The following PTPRT variants were observed in gnomAD, a reference collection of about 807,000 sequenced individuals.
PTPRT encodes the protein receptor-type tyrosine-protein phosphatase T.
Under a neutral mutation model 176.8 loss-of-function variants are expected in PTPRT, and 56 were observed. The observed-to-expected ratio is 0.32, with a 90% CI of 0.26 to 0.40. PTPRT has a LOEUF of 0.40. Among genes scored for constraint, PTPRT ranks in the 10% least tolerant of loss-of-function variants. The pLI is 1.00. For synonymous variants in PTPRT, 783 were observed against 739.0 expected (o/e 1.06, Z -0.96); for missense variants, 1,540 against 1,908.2 (o/e 0.81, Z 3.60).
intron 1 of PTPRT, among the ~76,000 whole-genome samples, chr20:43,062,008 A>G (rs950248897): frequency 1.3e-4 from 20 of 152,208 alleles, no homozygotes; most frequent in African/African-American, 4.8e-4. Context: ...AAAACAGTAC[A>G]TACTGCATGT....
chr20:42,292,608 GC>G (rs1485624033), intron 12 of PTPRT, among the ~76,000 whole-genome samples: 11 of 152,192 alleles, frequency 7.2e-5, no homozygotes, highest in Admixed American at 5.2e-4. Context: ...CAAGCAAGTG[GC>G]CTTCTTTTCT....
intron 1 of PTPRT, among the ~76,000 whole-genome samples, chr20:43,148,018 A>AAGCAAGGG (rs1424321442): frequency 6.6e-6 from 1 of 152,140 alleles, no homozygotes; most frequent in Non-Finnish European, 1.5e-5. Context: ...TCTTCAAGCA[A>AAGCAAGGG]AGCAAGGGCT....
chr20:42,630,147 G>T (rs974097496), intron 7 of PTPRT, among the ~76,000 whole-genome samples: 5 of 152,132 alleles, frequency 3.3e-5, no homozygotes. Flanking sequence ...GTCAGAGAGA[G>T]ATGTCAAGAT....
chr20:42,954,895 G>T (rs1981523102), intron 1 of PTPRT, among the ~76,000 whole-genome samples: 1 of 151,464 alleles, frequency 6.6e-6, no homozygotes, highest in Non-Finnish European at 1.5e-5. Context: ...AAAGGAGGAG[G>T]GAAGGGAGGG....
At chr20:42,452,014 T>C (rs146245657) in intron 8 of PTPRT, among the ~76,000 whole-genome samples, 3 of 152,270 alleles carry the variant, frequency 2.0e-5, no homozygotes, top group African/African-American at 7.2e-5. Flanking sequence ...CCCACGCCTA[T>C]AATCCCAGCA....
At chr20:42,038,263 G>C in the PTPRT span, among the ~76,000 whole-genome samples, 2 of 152,124 alleles carry the variant, frequency 1.3e-5, no homozygotes, top group Non-Finnish European at 2.9e-5. Context: ...AGGTAAAGTG[G>C]CTCCCTCAAG....
rs1372940229 is a variant in PTPRT at position 42,575,619 on chromosome 20, CTG to C, written c.1153+102245_1153+102246del. Among the ~76,000 whole-genome samples the C allele has an allele frequency of 2.6e-5, 4 of 152,174 alleles. No individual in the cohort carries two copies. In the East Asian group the frequency reaches 7.7e-4, roughly 29 times the overall value. On this transcript the variant is annotated intron_variant, in intron 7 of 30. Transcript: ENST00000373187. The stretch of plus-strand genomic sequence containing the variant: ...GTAAACATTTTAGGCTTTGCAGGCT[CTG>C]TTTATTGGAACATTCACCCTACTCA...
At chr20:42,750,680 T>C (rs765999068) in intron 6 of PTPRT, among the ~76,000 whole-genome samples, 15 of 152,162 alleles carry the variant, frequency 9.9e-5, no homozygotes, top group Admixed American at 3.3e-4. Context: ...AGTTGAAAGA[T>C]TGGTTTAAAA....
chr20:42,065,622 A>G, the PTPRT span, among the ~76,000 whole-genome samples: 3 of 152,228 alleles, frequency 2.0e-5, no homozygotes, highest in Non-Finnish European at 2.9e-5. Context: ...TAGATGACTC[A>G]AGGAAAGAAA....
rs568853526 is a variant in PTPRT, at chr20:42,994,269, T to C, written c.89-108337A>G. Among the ~76,000 whole-genome samples, 27 of 152,272 alleles carry C rather than the reference T, an allele frequency of 1.8e-4. No individual in the cohort carries two copies. In the South Asian group the frequency reaches 5.6e-3, roughly 32 times the overall value. ...AGCCTTACCATAAACTCCACTCTAA[T>C]GCTCCACACTTTTTCTCTTCTTCCT... On this transcript the variant is annotated intron_variant, in intron 1 of 30. Transcript: ENST00000373187.
intron 6 of PTPRT, among the ~76,000 whole-genome samples, chr20:42,702,737 C>G (rs1165658145): frequency 6.6e-6 from 1 of 152,104 alleles, no homozygotes; most frequent in Non-Finnish European, 1.5e-5. Flanking sequence ...AAACAGAGGC[C>G]AAGAGGTAGC....
chr20:43,045,990 T>C (rs1259430684), intron 1 of PTPRT, among the ~76,000 whole-genome samples: 1 of 151,486 alleles, frequency 6.6e-6, no homozygotes, highest in Non-Finnish European at 1.5e-5. Context: ...TCCAAAGAGA[T>C]GGAAGAGTGA....
At chr20:42,054,822 A>T in the PTPRT span, among the ~76,000 whole-genome samples, 1 of 152,114 alleles carries the variant, frequency 6.6e-6, no homozygotes, top group Non-Finnish European at 1.5e-5. Context: ...TGGCCATAAC[A>T]TCCTTCTTGT....
chr20:43,140,278 T>G (rs939593223), intron 1 of PTPRT, among the ~76,000 whole-genome samples: 1 of 152,202 alleles, frequency 6.6e-6, no homozygotes, highest in African/African-American at 2.4e-5. Flanking sequence ...TTTCACAGCA[T>G]GGACATTTGC....
intron 2 of PTPRT, among the ~76,000 whole-genome samples, chr20:42,822,517 A>G (rs1002330019): frequency 6.6e-6 from 1 of 152,238 alleles, no homozygotes; most frequent in Non-Finnish European, 1.5e-5. Flanking sequence ...AAAAATGCCA[A>G]AAGCAATTGC....
chr20:42,355,005 G>A (rs6030163), intron 9 of PTPRT, among the ~76,000 whole-genome samples: 110,585 of 151,780 alleles, frequency 0.73, 40,491 homozygotes, highest in East Asian at 0.89. Context: ...GCTCTGGTGG[G>A]CCTGTCTACA....
At chr20:43,027,345 G>C (rs541395065) in intron 1 of PTPRT, among the ~76,000 whole-genome samples, 1 of 151,894 alleles carries the variant, frequency 6.6e-6, no homozygotes. Flanking sequence ...GTATGGTGGC[G>C]GGTGCCCATA....
At chr20:42,708,667 C>T (rs550166326) in intron 6 of PTPRT, among the ~76,000 whole-genome samples, 29 of 152,350 alleles carry the variant, frequency 1.9e-4, no homozygotes, top group Admixed American at 7.8e-4. Flanking sequence ...ATAGCTACCT[C>T]CTAAGTGGCT....
At chr20:43,031,704 T>C (rs1436720671) in intron 1 of PTPRT, among the ~76,000 whole-genome samples, 1 of 152,166 alleles carries the variant, frequency 6.6e-6, no homozygotes, top group Non-Finnish European at 1.5e-5. Context: ...TACATTTTGG[T>C]ATTTATCTTC....
Sources: gnomAD v4.1 joint callset for allele counts (sites outside exome capture counted in the v4.1 genomes callset) on GRCh38, gnomAD v4.1.1 for gene constraint, MANE v1.5 for transcripts, NCBI Gene and HGNC (gene_info 2026-07-23, HGNC 2026-07-21) for gene names.